ZNF385D: variants seen among roughly 807,000 people sequenced by gnomAD.
ZNF385D encodes the protein zinc finger protein 385D, also known as zinc finger protein 659.
Under a neutral mutation model 35.8 loss-of-function variants are expected in ZNF385D, and 15 were observed. That is an observed-to-expected ratio of 0.42 (90% CI 0.28 to 0.64). The LOEUF is 0.64. Ranked by LOEUF, ZNF385D falls within the 30% of genes least tolerant of loss-of-function variation. ZNF385D has a pLI of 0.23. For missense variants in ZNF385D, 474 were observed against 494.6 expected, an observed-to-expected ratio of 0.96 and a Z score of 0.39; for synonymous variants, 212 against 186.8, an observed-to-expected ratio of 1.13 and a Z score of -1.10.
intron 2 of ZNF385D, among the ~76,000 whole-genome samples, chr3:22,350,746 A>G (rs1695878289): frequency 6.6e-6 from 1 of 152,074 alleles, no homozygotes; most frequent in Non-Finnish European, 1.5e-5. Flanking sequence ...ACACTTCTTG[A>G]CAGAGTGCTC....
intron 2 of ZNF385D, among the ~76,000 whole-genome samples, chr3:22,222,029 T>G (rs187345146): frequency 6.6e-6 from 1 of 151,890 alleles, no homozygotes; most frequent in Non-Finnish European, 1.5e-5. Context: ...CAGGCTGGAG[T>G]GCAGTGGTGC....
At chr3:22,275,203 A>G (rs746348949) in intron 2 of ZNF385D, among the ~76,000 whole-genome samples, 9 of 152,152 alleles carry the variant, frequency 5.9e-5, no homozygotes, top group Non-Finnish European at 1.3e-4. Context: ...TCACTGTGGT[A>G]TTAATCAGAG....
At chr3:21,927,682 T>G (rs1700798496) in intron 3 of ZNF385D, among the ~76,000 whole-genome samples, 1 of 152,030 alleles carries the variant, frequency 6.6e-6, no homozygotes, top group Admixed American at 6.6e-5. Context: ...AGAGCTAGAG[T>G]GAATATTCTG....
At chr3:21,836,540 C>T (rs1037743612) in intron 3 of ZNF385D, among the ~76,000 whole-genome samples, 1 of 151,990 alleles carries the variant, frequency 6.6e-6, no homozygotes, top group Non-Finnish European at 1.5e-5. Flanking sequence ...CATCCTAGAA[C>T]AAAAGTTGCC....
At chr3:21,759,584 T>A (rs2070508377) in intron 3 of ZNF385D, among the ~76,000 whole-genome samples, 1 of 152,260 alleles carries the variant, frequency 6.6e-6, no homozygotes. Context: ...CACAATAACA[T>A]GAGTTAATAC....
intron 3 of ZNF385D, among the ~76,000 whole-genome samples, chr3:21,528,812 A>G (rs1197840028): frequency 6.6e-6 from 1 of 152,216 alleles, no homozygotes; most frequent in Middle Eastern, 3.2e-3. Flanking sequence ...CAGCCAAAGT[A>G]AAGAAGAGAG....
At position 21,540,332 on chromosome 3, in the gene ZNF385D, G is replaced by A. The variant is rs75895189; in HGVS notation, c.276+24242C>T. ...CATGACAACTCAATGAGACCTAAAT[G>A]TAAATGATAAAACCATCGACAAAAG... is the stretch of plus-strand genomic sequence containing the variant. On this transcript the variant is annotated intron_variant, in intron 3 of 7. Transcript: ENST00000281523. Among the ~76,000 whole-genome samples, 934 of 152,290 alleles carry A rather than the reference G, an allele frequency of 6.1e-3. 65 individuals are homozygous for A. The East Asian group carries it at 0.15, about 24-fold the overall frequency.
chr3:21,598,211 T>C (rs558572144), intron 2 of ZNF385D, among the ~76,000 whole-genome samples: 1 of 152,292 alleles, frequency 6.6e-6, no homozygotes, highest in Non-Finnish European at 1.5e-5. Flanking sequence ...AAGATATACT[T>C]AGCTTGATAC....
At chr3:21,704,193 TG>T (rs1284536052) in intron 1 of ZNF385D, among the ~76,000 whole-genome samples, 1 of 152,200 alleles carries the variant, frequency 6.6e-6, no homozygotes, top group Non-Finnish European at 1.5e-5. Context: ...GAGGTGACAT[TG>T]CCTTGCTGCT....
At chr3:22,106,218 G>A (rs1481030861) in intron 3 of ZNF385D, among the ~76,000 whole-genome samples, 1 of 152,072 alleles carries the variant, frequency 6.6e-6, no homozygotes, top group Non-Finnish European at 1.5e-5. Flanking sequence ...TAGGTTGTAA[G>A]GAAACTGGTC....
At chr3:21,631,910 G>A (rs1185983161) in intron 2 of ZNF385D, among the ~76,000 whole-genome samples, 4 of 152,098 alleles carry the variant, frequency 2.6e-5, no homozygotes, top group African/African-American at 9.7e-5. Flanking sequence ...TTTCATTGAA[G>A]CCTTCAGCTT....
chr3:21,714,311 T>G (rs1008012129), intron 1 of ZNF385D, among the ~76,000 whole-genome samples: 1 of 152,168 alleles, frequency 6.6e-6, no homozygotes, highest in African/African-American at 2.4e-5. Flanking sequence ...AGTTATTTCA[T>G]AAGTCTTTTA....
At chr3:21,909,037 G>A (rs937979217) in intron 3 of ZNF385D, among the ~76,000 whole-genome samples, 1 of 151,894 alleles carries the variant, frequency 6.6e-6, no homozygotes, top group Non-Finnish European at 1.5e-5. Context: ...ACAGTTTTCA[G>A]CATTTAAATT....
At chr3:21,479,514 A>C (rs190139247) in intron 4 of ZNF385D, among the ~76,000 whole-genome samples, 1 of 152,270 alleles carries the variant, frequency 6.6e-6, no homozygotes. Flanking sequence ...TTTAAGGCCA[A>C]GAATAAAAAA....
intron 2 of ZNF385D, among the ~76,000 whole-genome samples, chr3:22,256,533 G>A (rs968445715): frequency 5.3e-5 from 8 of 151,492 alleles, no homozygotes; most frequent in African/African-American, 1.9e-4. Flanking sequence ...TCTTTGATTT[G>A]GAATCTATGT....
intron 3 of ZNF385D, among the ~76,000 whole-genome samples, chr3:21,952,926 T>C (rs868051606): frequency 2.0e-5 from 3 of 152,022 alleles, no homozygotes; most frequent in Non-Finnish European, 4.4e-5. Context: ...TATAAACTCA[T>C]TTCTCAGACT....
At position 22,340,087 on chromosome 3, in the gene ZNF385D, T is replaced by C. The variant is rs558552003; in HGVS notation, c.106+32363A>G. 1.9e-4 allele frequency among the ~76,000 whole-genome samples: 29 copies of C among 152,322 alleles called. No homozygotes were observed. The South Asian group carries it at 5.6e-3, about 29-fold the overall frequency. On this transcript the variant is annotated intron_variant, in intron 2 of 5. Transcript: ENST00000494108. ...AAAAATTTCATTAAACAAATTAAAA[T>C]ACATTAAGTATTATCCATGAATGAA...
intron 2 of ZNF385D, among the ~76,000 whole-genome samples, chr3:21,569,610 G>A (rs1427557241): frequency 1.3e-5 from 2 of 149,938 alleles, no homozygotes; most frequent in East Asian, 2.0e-4. Context: ...TCATTATGAT[G>A]TTAGCTGGTT....
At chr3:22,299,832 A>G (rs911376234) in intron 2 of ZNF385D, among the ~76,000 whole-genome samples, 1 of 152,016 alleles carries the variant, frequency 6.6e-6, no homozygotes, top group Admixed American at 6.6e-5. Context: ...ATAAATGGAA[A>G]GATAACCTGT....
Sources: allele counts gnomAD v4.1 joint callset (sites outside exome capture counted in the v4.1 genomes callset), GRCh38; gene constraint gnomAD v4.1.1; transcripts MANE v1.5; gene names NCBI Gene and HGNC (gene_info 2026-07-23, HGNC 2026-07-21).